Variants in IL1A observed in about 807,000 individuals in gnomAD.
The protein encoded by IL1A is interleukin 1 alpha.
A neutral mutation model predicts 22.2 loss-of-function variants in IL1A; 16 were observed. The observed-to-expected ratio is 0.72, with a 90% CI of 0.49 to 1.09. The LOEUF is 1.09. Ranked by LOEUF, IL1A falls within the 50% of genes least tolerant of loss-of-function variation. IL1A has a pLI of 0.00. For synonymous variants in IL1A, 113 were observed against 118.5 expected, an observed-to-expected ratio of 0.95 and a Z score of 0.30; for missense variants, 317 against 321.8, an observed-to-expected ratio of 0.99 and a Z score of 0.11.
chr2:112,775,531 C>T (rs1278267364), intron 6 of IL1A, among the ~76,000 whole-genome samples: 1 of 152,150 alleles, frequency 6.6e-6, no homozygotes, highest in Non-Finnish European at 1.5e-5. Context: ...TTGTCAGTGA[C>T]ACTAGTATCT....
chr2:112,777,105 AT>A (rs61245237), intron 6 of IL1A, among the ~76,000 whole-genome samples: 77,484 of 139,812 alleles, frequency 0.55, 21,020 homozygotes, highest in African/African-American at 0.64. Context: ...CACCCTATTC[AT>A]TTTTTTTTTT....
intron 6 of IL1A, among the ~76,000 whole-genome samples, chr2:112,777,219 T>A (rs1681113394): frequency 6.6e-6 from 1 of 152,120 alleles, no homozygotes; most frequent in Non-Finnish European, 1.5e-5. Context: ...TGCACCACTG[T>A]CCACACTGCT....
Position 112,782,771 on chromosome 2 carries a change from A to G in IL1A, c.48-7T>C, listed in dbSNP as rs745704813. On this transcript the variant is annotated splice_polypyrimidine_tract_variant and splice_region_variant and intron_variant, in intron 2 of 6. Transcript: ENST00000263339. ...ACTGTCTTCTTCATTTTCACTGTCA[A>G]AATAAGATGATGAGAATGTAATTGT... The G allele has an allele frequency of 5.0e-6, 8 of 1,597,652 alleles. No homozygotes were observed. The South Asian group carries it at 8.8e-5, about 18-fold the overall frequency.
At position 112,776,450 on chromosome 2, in the gene IL1A, C is replaced by A. The variant is rs866594579; in HGVS notation, c.616-1183G>T. On this transcript the variant is annotated intron_variant, in intron 6 of 6. Transcript: ENST00000263339. ...ATGTCCCAAAAACCCACAACCATGACCCGCCCCCTCCTCTGAATGTCCTAC... is the reference window on the plus strand; with the variant it reads ...ATGTCCCAAAAACCCACAACCATGAACCGCCCCCTCCTCTGAATGTCCTAC... 4.1e-4 allele frequency among the ~76,000 whole-genome samples: 55 copies of A among 135,504 alleles called. 2 individuals are homozygous for A. The highest frequency in any genetic ancestry group is 1.5e-3 in the African/African-American group (53 of 36,218). 88.9% of individuals were successfully genotyped at this position (135,504 alleles called of 152,430 possible).
In IL1A at chr2:112,781,787, C is replaced by G. The variant is rs1397485465; in HGVS notation, c.136G>C (p.Gly46Arg). The change falls in exon 4 of 7, where the codon GGC becomes CGC. Residue 46 changes from glycine to arginine, a missense_variant. Physicochemically the swap from Gly to Arg is moderately radical, Grantham distance 125. Coordinates refer to ENST00000263339, the MANE Select transcript of IL1A (RefSeq NM_000575.5). ...YHVSYGPLHE[G>R]CMDQSVSLSI... ...AGAGACACAGATTGATCCATGCAGC[C>G]TTCATGGAGTGGGCCATAGCTTACA... 2 of 1,614,160 alleles carry G rather than the reference C, an allele frequency of 1.2e-6. No homozygotes were observed. The highest frequency in any genetic ancestry group is 2.7e-5 in the African/African-American group (2 of 75,048).
intron 5 of IL1A, among the ~76,000 whole-genome samples, chr2:112,778,958 T>C (rs1681148018): frequency 6.6e-6 from 1 of 152,144 alleles, no homozygotes; most frequent in Non-Finnish European, 1.5e-5. Context: ...GCCATGAAAA[T>C]TGGATGTGTG....
rs764688691 is a variant in IL1A, at chr2:112,781,600, T to G, written c.319+4A>C. On this transcript the variant is annotated splice_donor_region_variant and intron_variant, in intron 4 of 6. Transcript: ENST00000263339. ...GAAAGATATTATTGTGCTTGACCCC[T>G]TACCTTCCTCTGAGTCATTGGCGAT... The G allele has an allele frequency of 1.7e-5, 27 of 1,609,560 alleles. No individual in the cohort carries two copies. Among genetic ancestry groups the G allele is most frequent in the Admixed American group, 3.3e-5 (2 of 60,004 alleles).
chr2:112,781,491 T>C, intron 4 of IL1A, 113 bp downstream of exon 4: 1 of 845,180 alleles, frequency 1.2e-6, no homozygotes, highest in South Asian at 1.4e-5. Flanking sequence ...ACCAGACTAA[T>C]GCTTGGTTGT....
intron 1 of IL1A, 147 bp from the exon 2 acceptor site, chr2:112,783,925 T>G (rs1483704408): frequency 5.5e-6 from 4 of 723,756 alleles, no homozygotes; most frequent in Non-Finnish European, 2.5e-6. Flanking sequence ...CTAGCTCCTT[T>G]GAATTAGTTT....
intron 4 of IL1A, among the ~76,000 whole-genome samples, chr2:112,780,233 A>G (rs751962482): frequency 6.6e-6 from 1 of 152,222 alleles, no homozygotes; most frequent in Non-Finnish European, 1.5e-5. Context: ...AATGTCCTCA[A>G]TACATTGCTA....
chr2:112,781,500 G>T (rs547951783), intron 4 of IL1A, 104 bp downstream of exon 4: 3 of 893,666 alleles, frequency 3.4e-6, no homozygotes, highest in Non-Finnish European at 3.8e-6. Flanking sequence ...ATGCTTGGTT[G>T]TCTTCTTGTT....
intron 6 of IL1A, among the ~76,000 whole-genome samples, chr2:112,777,295 T>C (rs966291475): frequency 6.6e-6 from 1 of 152,208 alleles, no homozygotes; most frequent in African/African-American, 2.4e-5. Context: ...AGTTCATGAA[T>C]GAAGCTACTG....
chr2:112,775,921 ATTC>A (rs796380310), intron 6 of IL1A, among the ~76,000 whole-genome samples: 1 of 152,282 alleles, frequency 6.6e-6, no homozygotes, highest in African/African-American at 2.4e-5. Flanking sequence ...CTTCTTTCCT[ATTC>A]TTTTAAATCT....
Position 112,774,786 on chromosome 2 carries a change from T to G in IL1A, c.*281A>C, listed in dbSNP as rs917797979. 3 of 285,010 alleles carry G rather than the reference T, an allele frequency of 1.1e-5. No individual in the cohort carries two copies. Among genetic ancestry groups the G allele is most frequent in the Non-Finnish European group, 2.0e-5 (3 of 148,364 alleles). 17.7% of individuals were successfully genotyped at this position (285,010 alleles called of 1,614,324 possible). The stretch of plus-strand genomic sequence containing the variant: ...GCCCATCTGTAATATGGGTAGAGTC[T>G]TTTTGGTAGCCATAGTCAGTAGCTC... On this transcript the variant is annotated 3_prime_UTR_variant, in exon 7 of 7. Coordinates refer to ENST00000263339, the MANE Select transcript of IL1A (RefSeq NM_000575.5).
rs1159099179 is a variant in IL1A at position 112,774,342 on chromosome 2, C to T, written c.*725G>A. On this transcript the variant is annotated 3_prime_UTR_variant, in exon 7 of 7. Coordinates refer to ENST00000263339, the MANE Select transcript of IL1A (RefSeq NM_000575.5). ...AATCAAACTTACTTATCCCAGAAAA[C>T]ACTGTCTGCTATTGTGGAGGATGCC... 3.3e-5 allele frequency: 5 copies of T among 151,878 alleles called. No homozygotes were observed. The highest frequency in any genetic ancestry group is 5.9e-5 in the Non-Finnish European group (4 of 67,968). The allele number at this position is 151,878 out of a possible 1,614,324, so 9.4% of individuals were successfully genotyped here. A position where few individuals can be genotyped will look rare whatever the true frequency, so the allele number is the denominator to read the frequency against.
intron 2 of IL1A, 64 bp downstream of exon 2, chr2:112,783,660 T>C (rs1284556263): frequency 4.3e-6 from 6 of 1,405,638 alleles, no homozygotes; most frequent in Non-Finnish European, 6.1e-6. Context: ...CTGTTATGCC[T>C]AGCTGGATTC....
chr2:112,775,270 A>T lies in IL1A; in HGVS notation c.616-3T>A. ...GTTTTGGGTATCTCAGGCATCTCCTATGAAGAAAAGAAGAGAATTCTGTTA... is the reference window on the plus strand; with the variant it reads ...GTTTTGGGTATCTCAGGCATCTCCTTTGAAGAAAAGAAGAGAATTCTGTTA... On this transcript the variant is annotated splice_region_variant and splice_polypyrimidine_tract_variant and intron_variant, in intron 6 of 6. Transcript: ENST00000263339. 6.2e-7 allele frequency: 1 copy of T among 1,610,916 alleles called. No individual in the cohort carries two copies.
intron 5 of IL1A, 109 bp from the exon 6 acceptor site, chr2:112,778,220 G>C: frequency 2.2e-6 from 2 of 909,332 alleles, no homozygotes; most frequent in Non-Finnish European, 3.3e-6. Flanking sequence ...GTGTGTGTGT[G>C]TGTGTGTGTG....
At chr2:112,776,137 C>G (rs1183645896) in intron 6 of IL1A, among the ~76,000 whole-genome samples, 1 of 152,090 alleles carries the variant, frequency 6.6e-6, no homozygotes, top group African/African-American at 2.4e-5. Flanking sequence ...CCCATGACTG[C>G]TGTGAAACCT....
Sources: gnomAD v4.1 joint callset for allele counts (sites outside exome capture counted in the v4.1 genomes callset) on GRCh38, gnomAD v4.1.1 for gene constraint, MANE v1.5 for transcripts, NCBI Gene and HGNC (gene_info 2026-07-23, HGNC 2026-07-21) for gene names.